PPP2R3C: variants seen among roughly 807,000 people sequenced by gnomAD.
PPP2R3C encodes protein phosphatase 2 regulatory subunit B''gamma, also known as serine/threonine-protein phosphatase 2A regulatory subunit B'' subunit gamma.
In PPP2R3C, 47 loss-of-function variants were observed where a neutral mutation model predicts 63.7. That is an observed-to-expected ratio of 0.74 (90% CI 0.58 to 0.94). PPP2R3C has a LOEUF of 0.94. PPP2R3C is among the 40% of genes least tolerant of loss of function. The pLI is 0.00. For synonymous variants in PPP2R3C, 180 were observed against 177.4 expected (o/e 1.01, Z -0.12); for missense variants, 421 against 518.4 (o/e 0.81, Z 1.82).
chr14:35,107,597 T>C, intron 5 of PPP2R3C: 1 of 503,066 alleles, frequency 2.0e-6, no homozygotes, highest in South Asian at 2.9e-5. Flanking sequence ...TACTGTTCTT[T>C]ACCAATTAAA....
In PPP2R3C at chr14:35,110,768, T is replaced by C; in HGVS notation, c.187-139A>G. 8.3e-6 allele frequency: 5 copies of C among 599,862 alleles called. No individual in the cohort carries two copies. In the South Asian group the frequency reaches 1.1e-4, roughly 13 times the overall value. The allele number at this position is 599,862 out of a possible 1,614,324, so 37.2% of individuals were successfully genotyped here. A position where few individuals can be genotyped will look rare whatever the true frequency, so the allele number is the denominator to read the frequency against. On this transcript the variant is annotated intron_variant, in intron 2 of 12. Transcript: ENST00000261475. ...TCACCTTAATTGTGCTTAACATTTG[T>C]TTAACAAAAACTGATCCACAGAGAA...
intron 10 of PPP2R3C, among the ~76,000 whole-genome samples, chr14:35,093,880 T>C (rs2045914676): frequency 6.6e-6 from 1 of 152,208 alleles, no homozygotes; most frequent in South Asian, 2.1e-4. Context: ...CTCCATCTCC[T>C]GACCTTGTGA....
At chr14:35,113,692 T>C (rs2046629207) in intron 2 of PPP2R3C, among the ~76,000 whole-genome samples, 1 of 152,196 alleles carries the variant, frequency 6.6e-6, no homozygotes, top group South Asian at 2.1e-4. Flanking sequence ...AACTAGGAGA[T>C]AACCAAAGTT....
Position 35,100,196 on chromosome 14 carries a change from T to C in PPP2R3C, c.574-812A>G, listed in dbSNP as rs547745856. The stretch of plus-strand genomic sequence containing the variant: ...TATATCATTGCATAGATGTGCCATA[T>C]TTAACTAGGCCTCTCTATTGGGACA... On this transcript the variant is annotated intron_variant, in intron 6 of 12. Transcript: ENST00000261475. 3 of 152,360 alleles carry C rather than the reference T, an allele frequency of 2.0e-5. No individual in the cohort carries two copies. The South Asian group carries it at 6.2e-4, about 32-fold the overall frequency. 9.4% of individuals were successfully genotyped at this position (152,360 alleles called of 1,614,324 possible).
intron 6 of PPP2R3C, among the ~76,000 whole-genome samples, chr14:35,103,571 A>T (rs566764102): frequency 1.2e-4 from 18 of 152,310 alleles, no homozygotes; most frequent in African/African-American, 3.6e-4. Context: ...TAGAAAAAAT[A>T]GGTCTACAAG....
intron 1 of PPP2R3C, among the ~76,000 whole-genome samples, chr14:35,118,490 A>C (rs1415558992): frequency 2.6e-5 from 4 of 152,148 alleles, no homozygotes; most frequent in Admixed American, 6.6e-5. Context: ...CTCCACACTA[A>C]AGTGTAAGTT....
chr14:35,092,308 A>C (rs1178749442), intron 10 of PPP2R3C, among the ~76,000 whole-genome samples: 2 of 149,114 alleles, frequency 1.3e-5, no homozygotes, highest in African/African-American at 5.0e-5. Context: ...GGGCTCAAGC[A>C]ATCATCTGGC....
chr14:35,108,755 C>T (rs2046443860), intron 4 of PPP2R3C, among the ~76,000 whole-genome samples: 1 of 151,428 alleles, frequency 6.6e-6, no homozygotes, highest in Admixed American at 6.6e-5. Context: ...AGCGACAGAG[C>T]AAGACTCCAT....
intron 5 of PPP2R3C, chr14:35,107,638 T>C (rs1160376727): frequency 2.3e-6 from 1 of 437,288 alleles, no homozygotes; most frequent in Non-Finnish European, 4.1e-6. Flanking sequence ...GGACAGCTAG[T>C]ATAATATTAT....
intron 2 of PPP2R3C, among the ~76,000 whole-genome samples, chr14:35,114,862 G>A (rs995422476): frequency 2.6e-5 from 4 of 152,090 alleles, no homozygotes; most frequent in Admixed American, 1.3e-4. Flanking sequence ...GCGTGGTGGC[G>A]CACACCTATA....
At chr14:35,095,298 T>A in intron 9 of PPP2R3C, 114 bp from the exon 10 acceptor site, 1 of 1,055,178 alleles carries the variant, frequency 9.5e-7, no homozygotes, top group East Asian at 2.5e-5. Flanking sequence ...ACTATTCATG[T>A]TATGATTAGG....
At chr14:35,122,166 A>G (rs1183751944), upstream of PPP2R3C, 1 of 576,560 alleles carries the variant, frequency 1.7e-6, no homozygotes, top group East Asian at 2.9e-5. Context: ...TGACTGGGGG[A>G]AAAAACTATG....
Position 35,103,392 on chromosome 14 carries a change from T to C in PPP2R3C, c.573+3912A>G, listed in dbSNP as rs570146514. ...AGGCTGGCTTCTTTCTCGTACTTCATGGCTAAAACTTAATCACTATCTCAA... is the reference window on the plus strand; with the variant it reads ...AGGCTGGCTTCTTTCTCGTACTTCACGGCTAAAACTTAATCACTATCTCAA... On this transcript the variant is annotated intron_variant, in intron 6 of 12. Transcript: ENST00000261475. 2.6e-5 allele frequency among the ~76,000 whole-genome samples: 4 copies of C among 152,358 alleles called. No homozygotes were observed. In the South Asian group the frequency reaches 6.2e-4, roughly 24 times the overall value.
intron 6 of PPP2R3C, 68 bp downstream of exon 6, chr14:35,107,236 G>C (rs1595111756): frequency 2.5e-6 from 3 of 1,209,166 alleles, no homozygotes; most frequent in Non-Finnish European, 1.2e-6. Context: ...CCAACACCCA[G>C]TGATAACTAC....
At chr14:35,118,401 T>C (rs2138722431) in intron 1 of PPP2R3C, among the ~76,000 whole-genome samples, 1 of 152,226 alleles carries the variant, frequency 6.6e-6, no homozygotes, top group Non-Finnish European at 1.5e-5. Flanking sequence ...AAGGATAGGA[T>C]CTAGTACACT....
chr14:35,119,848 T>TC (rs1326109679), intron 1 of PPP2R3C, among the ~76,000 whole-genome samples: 2 of 88,370 alleles, frequency 2.3e-5, no homozygotes, highest in African/African-American at 7.9e-5. Flanking sequence ...GGACAGTTCA[T>TC]CTTTTTTTTT....
chr14:35,107,990 G>A, intron 5 of PPP2R3C, 149 bp downstream of exon 5: 1 of 1,222,956 alleles, frequency 8.2e-7, no homozygotes, highest in South Asian at 2.1e-5. Flanking sequence ...GCTAACCCAA[G>A]TTTATGTAAC....
At chr14:35,119,279 CT>C (rs1331015147) in intron 1 of PPP2R3C, among the ~76,000 whole-genome samples, 2 of 152,142 alleles carry the variant, frequency 1.3e-5, no homozygotes, top group Admixed American at 1.3e-4. Context: ...CTCAAGTGAT[CT>C]GCCTACCTCG....
rs74344789 is a variant in PPP2R3C at position 35,112,117 on chromosome 14, T to C, written c.187-1488A>G. ...TTTTAGGAAAGCATGCCTGTTGAGA[T>C]TGGATCACCTTTCTTCTTGGAGACA... On this transcript the variant is annotated intron_variant, in intron 2 of 12. Transcript: ENST00000261475. Among the ~76,000 whole-genome samples the C allele has an allele frequency of 3.5e-3, 534 of 152,346 alleles. 1 individual carries two copies. The highest frequency in any genetic ancestry group is 5.7e-3 in the Non-Finnish European group (389 of 68,032).
Sources: allele counts gnomAD v4.1 joint callset (sites outside exome capture counted in the v4.1 genomes callset), GRCh38; gene constraint gnomAD v4.1.1; transcripts MANE v1.5; gene names NCBI Gene and HGNC (gene_info 2026-07-23, HGNC 2026-07-21).